PARP8: variants seen among roughly 807,000 people sequenced by gnomAD.
PARP8 encodes the protein poly(ADP-ribose) polymerase family member 8.
A neutral mutation model predicts 124.1 loss-of-function variants in PARP8; 51 were observed. That is an observed-to-expected ratio of 0.41 (90% CI 0.33 to 0.52). PARP8 has a LOEUF of 0.52. Ranked by LOEUF, PARP8 falls within the 20% of genes least tolerant of loss-of-function variation. PARP8 has a pLI of 0.21. For missense variants in PARP8, 860 were observed against 1,018.9 expected, an observed-to-expected ratio of 0.84 and a Z score of 2.12; for synonymous variants, 391 against 361.5, an observed-to-expected ratio of 1.08 and a Z score of -0.93.
chr5:50,787,142 G>A (rs73101097), intron 9 of PARP8, among the ~76,000 whole-genome samples: 4,064 of 151,686 alleles, frequency 0.027, 182 homozygotes, highest in African/African-American at 0.093. Flanking sequence ...CAGTCCACCC[G>A]CAAAATCTGT....
intron 7 of PARP8, among the ~76,000 whole-genome samples, chr5:50,764,528 C>T (rs1301382869): frequency 6.6e-6 from 1 of 152,198 alleles, no homozygotes; most frequent in Non-Finnish European, 1.5e-5. Flanking sequence ...CTACCATCTG[C>T]AGCCTAAGAT....
In PARP8 at chr5:50,828,485, G is replaced by A. The variant is rs1434046866; in HGVS notation, c.2163+101G>A. ...GTTTAACTTGCAAAAGAGGAAGCAT[G>A]TGAGTAAGACATTATATGGAATTTC... On this transcript the variant is annotated intron_variant, in intron 21 of 25. Transcript: ENST00000281631. The A allele has an allele frequency of 3.0e-6, 3 of 1,016,490 alleles. No homozygotes were observed. The East Asian group carries it at 7.1e-5, about 24-fold the overall frequency. The allele number at this position is 1,016,490 out of a possible 1,614,324, so 63.0% of individuals were successfully genotyped here. A position where few individuals can be genotyped will look rare whatever the true frequency, so the allele number is the denominator to read the frequency against.
At position 50,750,339 on chromosome 5, in the gene PARP8, C is replaced by T. The variant is rs1052053152; in HGVS notation, c.184+151C>T. The T allele has an allele frequency of 3.4e-5, 22 of 646,028 alleles. No individual in the cohort carries two copies. The Admixed American group carries it at 6.1e-4, about 18-fold the overall frequency. The allele number at this position is 646,028 out of a possible 1,614,324, so 40.0% of individuals were successfully genotyped here. A position where few individuals can be genotyped will look rare whatever the true frequency, so the allele number is the denominator to read the frequency against. The stretch of plus-strand genomic sequence containing the variant: ...GCTATAGAAGAATTCTGCTTACTGC[C>T]TGCAAAGTACATGTCTTACTCTGAG... On this transcript the variant is annotated intron_variant, in intron 3 of 25. Transcript: ENST00000281631.
chr5:50,763,820 C>T (rs572503668), intron 7 of PARP8, among the ~76,000 whole-genome samples: 24 of 152,210 alleles, frequency 1.6e-4, no homozygotes, highest in African/African-American at 5.8e-4. Context: ...CTTTTTCTGC[C>T]ACCATAATAG....
intron 2 of PARP8, among the ~76,000 whole-genome samples, chr5:50,736,425 C>G (rs765380726): frequency 1.3e-5 from 2 of 152,082 alleles, no homozygotes; most frequent in Non-Finnish European, 2.9e-5. Flanking sequence ...TTACCTCTAA[C>G]TTTTCAAAAC....
intron 2 of PARP8, among the ~76,000 whole-genome samples, chr5:50,673,536 G>A (rs1202580224): frequency 1.3e-5 from 2 of 152,130 alleles, no homozygotes; most frequent in Non-Finnish European, 2.9e-5. Flanking sequence ...AAAAACAGAG[G>A]CTTGGGTGAT....
intron 2 of PARP8, among the ~76,000 whole-genome samples, chr5:50,737,712 G>C (rs1415559507): frequency 6.6e-6 from 1 of 152,082 alleles, no homozygotes; most frequent in Non-Finnish European, 1.5e-5. Context: ...TCTACATTTA[G>C]AGCTTAGTTT....
intron 9 of PARP8, among the ~76,000 whole-genome samples, chr5:50,787,161 C>G (rs553789589): frequency 2.0e-5 from 3 of 152,124 alleles, no homozygotes; most frequent in Non-Finnish European, 4.4e-5. Flanking sequence ...GTCCACTCTC[C>G]TAGAAGTGTG....
chr5:50,823,486 A>G (rs1745997919), intron 17 of PARP8, among the ~76,000 whole-genome samples: 1 of 152,196 alleles, frequency 6.6e-6, no homozygotes, highest in African/African-American at 2.4e-5. Flanking sequence ...TTATTTTTCT[A>G]TGCCAGTACC....
chr5:50,822,378 C>G lies in PARP8; in HGVS notation c.1838C>G (p.Thr613Ser). 6.2e-7 allele frequency: 1 copy of G among 1,610,852 alleles called. No individual in the cohort carries two copies. Among genetic ancestry groups the G allele is most frequent in the Non-Finnish European group, 8.5e-7 (1 of 1,177,298 alleles). ...GTAATGAAAGCACTGGATAGCATAA[C>G]TTCTATCAGAGAAATGACACAAGTA... ...DRVMKALDSI[T>S]SIREMTQAPY... Residue 613 changes from threonine to serine, a missense_variant, in exon 17 of 26, where the codon ACT becomes AGT. Around this residue, in one of 2 missense-constraint regions of PARP8, gnomAD observed 343 missense variants for 474.7 expected, o/e 0.72. Transcript: ENST00000281631.
intron 1 of PARP8, chr5:50,667,648 C>T (rs1182298979): frequency 1.4e-6 from 1 of 699,532 alleles, no homozygotes. Context: ...AGCGCTCGGC[C>T]CATCTCCGGC....
intron 2 of PARP8, among the ~76,000 whole-genome samples, chr5:50,674,007 G>A (rs1283268632): frequency 6.6e-6 from 1 of 152,102 alleles, no homozygotes; most frequent in Non-Finnish European, 1.5e-5. Context: ...TCAACTTATT[G>A]CCTTGTAATC....
chr5:50,833,192 A>C (rs1231559065), intron 23 of PARP8, among the ~76,000 whole-genome samples: 2 of 152,188 alleles, frequency 1.3e-5, no homozygotes, highest in Non-Finnish European at 2.9e-5. Context: ...ATAGAATGCT[A>C]GATATTATGA....
At chr5:50,836,862 G>T (rs1331273724) in intron 25 of PARP8, among the ~76,000 whole-genome samples, 1 of 152,090 alleles carries the variant, frequency 6.6e-6, no homozygotes, top group African/African-American at 2.4e-5. Context: ...GAAATCTTGA[G>T]ATTTTGGCCG....
At chr5:50,777,328 T>C (rs1477291582) in intron 7 of PARP8, among the ~76,000 whole-genome samples, 1 of 152,230 alleles carries the variant, frequency 6.6e-6, no homozygotes, top group East Asian at 1.9e-4. Flanking sequence ...ATTTCAGTTA[T>C]TTCTGTGGTT....
chr5:50,842,665 A>G lies in PARP8; in HGVS notation c.*597A>G, dbSNP rs1047962142. ...TGCATCAAAATGTGTGGTTGTGAATATATTTGTGTATATTCACACGTATGT... is the reference window on the plus strand; with the variant it reads ...TGCATCAAAATGTGTGGTTGTGAATGTATTTGTGTATATTCACACGTATGT... On this transcript the variant is annotated 3_prime_UTR_variant, in exon 26 of 26. Transcript: ENST00000281631. 6 of 151,766 alleles carry G rather than the reference A, an allele frequency of 4.0e-5. No homozygotes were observed. Among genetic ancestry groups the G allele is most frequent in the African/African-American group, 1.4e-4 (6 of 41,390 alleles). The allele number at this position is 151,766 out of a possible 1,614,324, so 9.4% of individuals were successfully genotyped here.
At chr5:50,727,062 T>C (rs1756497883) in intron 2 of PARP8, among the ~76,000 whole-genome samples, 1 of 152,122 alleles carries the variant, frequency 6.6e-6, no homozygotes, top group African/African-American at 2.4e-5. Context: ...TTTCTGAAGG[T>C]TGTGAGAAAA....
intron 2 of PARP8, chr5:50,744,648 C>T: frequency 1.5e-6 from 1 of 682,088 alleles, no homozygotes; most frequent in Non-Finnish European, 2.6e-6. Flanking sequence ...ATTTGACTGA[C>T]CTGAGTTTCT....
chr5:50,705,046 G>A (rs1580021202), intron 2 of PARP8, among the ~76,000 whole-genome samples: 1 of 152,214 alleles, frequency 6.6e-6, no homozygotes, highest in East Asian at 1.9e-4. Flanking sequence ...TTTCAAACTG[G>A]ACAAAGCAGT....
Sources: gnomAD v4.1 joint callset for allele counts (sites outside exome capture counted in the v4.1 genomes callset) on GRCh38, gnomAD v4.1.1 for gene constraint, gnomAD v4.1.1 regional missense constraint, MANE v1.5 for transcripts, NCBI Gene and HGNC (gene_info 2026-07-23, HGNC 2026-07-21) for gene names.